MAF: variants seen among roughly 807,000 people sequenced by gnomAD.
The protein encoded by MAF is transcription factor Maf.
MAF carries 10 observed loss-of-function variants against 22.0 expected under a neutral mutation model. That is an observed-to-expected ratio of 0.45 (90% confidence interval 0.28 to 0.77). MAF has a LOEUF of 0.77. Ranked by LOEUF, MAF falls within the 30% of genes least tolerant of loss-of-function variation. The pLI, the probability that MAF is intolerant of heterozygous loss-of-function variation, is 0.12. For missense variants in MAF, 544 were observed against 548.4 expected (o/e 0.99, Z 0.08); for synonymous variants, 337 against 255.8 (o/e 1.32, Z -3.03).
At chr16:79,375,466 A>ATAC in the MAF span, among the ~76,000 whole-genome samples, 1 of 152,168 alleles carries the variant, frequency 6.6e-6, no homozygotes, top group Non-Finnish European at 1.5e-5. Context: ...CCCACAGGGC[A>ATAC]TGGTGGTGAT....
the MAF span, among the ~76,000 whole-genome samples, chr16:79,570,858 C>T: frequency 6.6e-5 from 10 of 152,234 alleles, no homozygotes; most frequent in African/African-American, 2.4e-4. Context: ...GTGCGAGTTT[C>T]TGTGCTAAAT....
At chr16:79,395,743 A>C in the MAF span, among the ~76,000 whole-genome samples, 1 of 152,170 alleles carries the variant, frequency 6.6e-6, no homozygotes, top group Non-Finnish European at 1.5e-5. Context: ...TGGTTCCCCA[A>C]GCTGTGCGAG....
At chr16:79,379,029 G>A in the MAF span, among the ~76,000 whole-genome samples, 1 of 152,150 alleles carries the variant, frequency 6.6e-6, no homozygotes, top group African/African-American at 2.4e-5. Flanking sequence ...TTGTGCCATC[G>A]AATAAACTTT....
the MAF span, among the ~76,000 whole-genome samples, chr16:79,475,182 T>C: frequency 2.0e-5 from 3 of 152,100 alleles, no homozygotes; most frequent in Admixed American, 6.6e-5. Flanking sequence ...TTTAGAAGAA[T>C]TGGAAGGAAG....
At chr16:79,430,145 T>C in the MAF span, among the ~76,000 whole-genome samples, 1 of 152,192 alleles carries the variant, frequency 6.6e-6, no homozygotes, top group African/African-American at 2.4e-5. Flanking sequence ...CACTGCTCCC[T>C]TCTCCCTGCA....
the MAF span, among the ~76,000 whole-genome samples, chr16:79,313,009 G>C: frequency 9.9e-5 from 15 of 152,152 alleles, no homozygotes; most frequent in Admixed American, 9.8e-4. Flanking sequence ...TAAAAGCATG[G>C]GCTTCAACTC....
At chr16:79,448,466 C>T in the MAF span, among the ~76,000 whole-genome samples, 1 of 151,452 alleles carries the variant, frequency 6.6e-6, no homozygotes, top group Admixed American at 6.6e-5. Flanking sequence ...TGCACTGTCA[C>T]CTGGGCTGGA....
At chr16:79,211,729 C>A in the MAF span, 1 of 1,614,222 alleles carries the variant, frequency 6.2e-7, no homozygotes, top group Non-Finnish European at 8.5e-7. Flanking sequence ...AGCGAAGAGA[C>A]GGCCCGGACC....
chr16:79,429,626 T>C, the MAF span, among the ~76,000 whole-genome samples: 19 of 152,238 alleles, frequency 1.2e-4, no homozygotes, highest in African/African-American at 4.6e-4. Flanking sequence ...GTTGAGCTCC[T>C]TGTCCCTGGT....
the MAF span, among the ~76,000 whole-genome samples, chr16:79,241,817 G>A: frequency 2.6e-5 from 4 of 152,064 alleles, no homozygotes; most frequent in Non-Finnish European, 4.4e-5. Context: ...CCCACAAAGG[G>A]AAGCCCATCA....
rs200484908 is a variant in MAF, at chr16:79,599,595, G to A, written c.308C>T (p.Pro103Leu). Reference sequence around the variant, plus strand: ...CTCGGGGCTGAAGCCCAGCGCCTCGGGGTTCAGCTGCTGCGGGTAGCCGGT... The same window carrying A: ...CTCGGGGCTGAAGCCCAGCGCCTCGAGGTTCAGCTGCTGCGGGTAGCCGGT... ...WMTGYPQQLN[P>L]EALGFSPEDA... is the part of the protein sequence containing the mutation. The change falls in exon 1 of 2, where the codon CCC becomes CTC. Residue 103 changes from proline to leucine, a missense_variant. Pro to Leu is a moderately conservative substitution (Grantham distance 98). Around this residue, in one of 5 missense-constraint regions of MAF, gnomAD observed 342 missense variants for 315.5 expected, o/e 1.08. Coordinates refer to ENST00000326043, the MANE Select transcript of MAF (RefSeq NM_005360.5). The A allele has an allele frequency of 5.6e-6, 9 of 1,608,604 alleles. No homozygotes were observed. The highest frequency in any genetic ancestry group is 7.6e-6 in the Non-Finnish European group (9 of 1,178,392).
the MAF span, among the ~76,000 whole-genome samples, chr16:79,248,182 TA>T: frequency 4.3e-4 from 50 of 116,014 alleles, no homozygotes; most frequent in Middle Eastern, 5.4e-3. Context: ...TTTTTTTTTT[TA>T]AATTAACTAC....
At chr16:79,426,702 T>C in the MAF span, among the ~76,000 whole-genome samples, 3 of 152,222 alleles carry the variant, frequency 2.0e-5, no homozygotes, top group African/African-American at 7.2e-5. Flanking sequence ...TCACAGAGAT[T>C]GATTCACAGA....
chr16:79,274,459 A>T, the MAF span, among the ~76,000 whole-genome samples: 2 of 152,022 alleles, frequency 1.3e-5, no homozygotes, highest in African/African-American at 4.8e-5. Context: ...CCCCAATGCA[A>T]ATGCACTAGG....
chr16:79,425,178 C>A, the MAF span, among the ~76,000 whole-genome samples: 1 of 152,022 alleles, frequency 6.6e-6, no homozygotes, highest in East Asian at 1.9e-4. Context: ...CAAATGTATT[C>A]ATATCTATTT....
At chr16:79,452,284 C>G in the MAF span, among the ~76,000 whole-genome samples, 1 of 152,166 alleles carries the variant, frequency 6.6e-6, no homozygotes, top group South Asian at 2.1e-4. Context: ...AAATTATGAG[C>G]AACTCTAAGT....
chr16:79,484,897 G>C, the MAF span, among the ~76,000 whole-genome samples: 2 of 152,182 alleles, frequency 1.3e-5, no homozygotes, highest in African/African-American at 4.8e-5. Context: ...CATCAAGCAT[G>C]GTACAGCTGA....
chr16:79,582,960 A>G (rs970701010), downstream of MAF, among the ~76,000 whole-genome samples: 3 of 152,226 alleles, frequency 2.0e-5, no homozygotes, highest in African/African-American at 7.2e-5. Context: ...CAGAACTCAC[A>G]GTGTTGGTTT....
the MAF span, among the ~76,000 whole-genome samples, chr16:79,360,382 A>G: frequency 6.6e-6 from 1 of 152,138 alleles, no homozygotes; most frequent in Non-Finnish European, 1.5e-5. Flanking sequence ...GCAATACACA[A>G]AAGCATGGCT....
Sources: allele counts gnomAD v4.1 joint callset (sites outside exome capture counted in the v4.1 genomes callset), GRCh38; gene constraint gnomAD v4.1.1; regional missense constraint gnomAD v4.1.1; transcripts MANE v1.5; gene names NCBI Gene and HGNC (gene_info 2026-07-23, HGNC 2026-07-21).